PTPRT: variants seen among roughly 807,000 people sequenced by gnomAD.
The protein encoded by PTPRT is protein tyrosine phosphatase receptor type T.
PTPRT carries 56 observed loss-of-function variants against 176.8 expected under a neutral mutation model. That is an observed-to-expected ratio of 0.32 (90% CI 0.26 to 0.40). The LOEUF (loss-of-function observed/expected upper bound fraction) is 0.40, where lower values mean the gene tolerates loss of function less well. PTPRT is among the 10% of genes least tolerant of loss of function. PTPRT has a pLI of 1.00. For missense variants in PTPRT, 1,540 were observed against 1,908.2 expected, an observed-to-expected ratio of 0.81 and a Z score of 3.60; for synonymous variants, 783 against 739.0, an observed-to-expected ratio of 1.06 and a Z score of -0.96.
intron 13 of PTPRT, among the ~76,000 whole-genome samples, chr20:42,249,938 T>C (rs1237874381): frequency 1.3e-5 from 2 of 152,194 alleles, no homozygotes; most frequent in South Asian, 4.1e-4. Flanking sequence ...GGCGCCAGCC[T>C]TTAAGTGGGA....
intron 1 of PTPRT, among the ~76,000 whole-genome samples, chr20:42,963,958 T>C (rs188162760): frequency 3.7e-4 from 57 of 152,300 alleles, no homozygotes; most frequent in African/African-American, 1.0e-3. Flanking sequence ...CATCCAGTTA[T>C]TGCTGCTGCC....
rs933164718 is a variant in PTPRT, at chr20:43,120,291, A to T, written c.88+69355T>A. On this transcript the variant is annotated intron_variant, in intron 1 of 30. Coordinates refer to ENST00000373187, the MANE Select transcript of PTPRT (RefSeq NM_007050.6). ...TTCCAGATCCAGTTTTTTTTTTTTT[A>T]AATGGAGTCTCACTCTGTTGCCCAG... 6.2e-5 allele frequency among the ~76,000 whole-genome samples: 8 copies of T among 129,018 alleles called. 1 individual carries two copies. Among genetic ancestry groups the T allele is most frequent in the Admixed American group, 4.6e-4 (6 of 12,986 alleles). 84.6% of individuals were successfully genotyped at this position (129,018 alleles called of 152,430 possible).
At chr20:42,583,172 T>A (rs186117466) in intron 7 of PTPRT, among the ~76,000 whole-genome samples, 2 of 152,312 alleles carry the variant, frequency 1.3e-5, no homozygotes, top group Admixed American at 1.3e-4. Context: ...AGAGATGATC[T>A]TGCTCCTGAC....
chr20:42,184,564 C>CTTCTTCTTCTTT (rs1990669735), intron 16 of PTPRT, among the ~76,000 whole-genome samples: 2 of 130,298 alleles, frequency 1.5e-5, no homozygotes, highest in African/African-American at 3.0e-5. Flanking sequence ...TCTTCTTATT[C>CTTCTTCTTCTTT]TTCTTCTTCT....
intron 8 of PTPRT, among the ~76,000 whole-genome samples, chr20:42,461,456 G>A (rs1239978177): frequency 6.6e-6 from 1 of 152,180 alleles, no homozygotes; most frequent in Non-Finnish European, 1.5e-5. Flanking sequence ...AGGGCCGTTT[G>A]AGCCCAGGAG....
chr20:43,156,800 A>C (rs1051159609), intron 1 of PTPRT, among the ~76,000 whole-genome samples: 7 of 152,196 alleles, frequency 4.6e-5, no homozygotes, highest in African/African-American at 1.7e-4. Flanking sequence ...GGAGTGTCTG[A>C]GATCATTGAG....
rs564157173 is a variant in PTPRT, at chr20:42,384,555, G to A, written c.1561-32270C>T. On this transcript the variant is annotated intron_variant, in intron 9 of 30. Coordinates refer to ENST00000373187, the MANE Select transcript of PTPRT (RefSeq NM_007050.6). The stretch of plus-strand genomic sequence containing the variant: ...CGATGTCTTGGCTATTGTAAATCAT[G>A]TTGCAATGAATATGGGAATGCAGAT... Among the ~76,000 whole-genome samples the A allele has an allele frequency of 8.5e-5, 13 of 152,276 alleles. No individual in the cohort carries two copies. The South Asian group carries it at 2.7e-3, about 32-fold the overall frequency.
At chr20:42,572,925 T>TG (rs1451342349) in intron 7 of PTPRT, among the ~76,000 whole-genome samples, 1 of 150,420 alleles carries the variant, frequency 6.6e-6, no homozygotes, top group East Asian at 2.0e-4. Flanking sequence ...AGTTTTTGTT[T>TG]TTTTTTTTTT....
At chr20:42,847,379 C>T (rs1183759324) in intron 2 of PTPRT, among the ~76,000 whole-genome samples, 1 of 152,136 alleles carries the variant, frequency 6.6e-6, no homozygotes, top group Non-Finnish European at 1.5e-5. Flanking sequence ...ACTCCCCGCC[C>T]CCCTCTGATT....
chr20:42,549,812 C>CTCAACA (rs2072736639), intron 7 of PTPRT, among the ~76,000 whole-genome samples: 1 of 151,976 alleles, frequency 6.6e-6, no homozygotes, highest in African/African-American at 2.4e-5. Flanking sequence ...ATCAGACACA[C>CTCAACA]CTAGGGCATC....
intron 7 of PTPRT, among the ~76,000 whole-genome samples, chr20:42,488,313 T>G (rs983819364): frequency 1.3e-5 from 2 of 152,182 alleles, no homozygotes; most frequent in African/African-American, 4.8e-5. Context: ...TTTGACAAAG[T>G]ACTGTCAGAT....
intron 9 of PTPRT, among the ~76,000 whole-genome samples, chr20:42,399,580 T>A (rs1555841854): frequency 6.6e-6 from 1 of 152,220 alleles, no homozygotes; most frequent in Non-Finnish European, 1.5e-5. Flanking sequence ...GTTGGACTAA[T>A]AACTCTTTTG....
intron 7 of PTPRT, among the ~76,000 whole-genome samples, chr20:42,620,125 G>T: frequency 6.8e-6 from 1 of 147,216 alleles, no homozygotes; most frequent in African/African-American, 2.6e-5. Context: ...TTTCGGTGTG[G>T]ATGTCCTTTC....
intron 15 of PTPRT, among the ~76,000 whole-genome samples, chr20:42,208,536 A>G (rs1600678348): frequency 6.6e-6 from 1 of 152,086 alleles, no homozygotes; most frequent in Non-Finnish European, 1.5e-5. Context: ...AAAGATCAAA[A>G]GAGACAAAGA....
intron 9 of PTPRT, among the ~76,000 whole-genome samples, chr20:42,360,546 T>G (rs1282043016): frequency 6.6e-6 from 1 of 152,230 alleles, no homozygotes; most frequent in Non-Finnish European, 1.5e-5. Flanking sequence ...GATTTTGTTA[T>G]TTTCACAGAA....
chr20:42,929,238 A>G (rs1166840527), intron 1 of PTPRT, among the ~76,000 whole-genome samples: 1 of 152,268 alleles, frequency 6.6e-6, no homozygotes, highest in Non-Finnish European at 1.5e-5. Flanking sequence ...GAATTCAAAA[A>G]CAGGAGACTA....
At chr20:42,618,050 C>T (rs1357107607) in intron 7 of PTPRT, among the ~76,000 whole-genome samples, 1 of 137,102 alleles carries the variant, frequency 7.3e-6, no homozygotes, top group Non-Finnish European at 1.5e-5. Flanking sequence ...AATTTTGGAT[C>T]TTTCCTGCTT....
intron 2 of PTPRT, among the ~76,000 whole-genome samples, chr20:42,857,973 G>A (rs1463663519): frequency 6.6e-6 from 1 of 152,122 alleles, no homozygotes; most frequent in African/African-American, 2.4e-5. Flanking sequence ...TCATCAGACT[G>A]TGAGATTCAT....
intron 13 of PTPRT, among the ~76,000 whole-genome samples, chr20:42,257,959 T>C (rs1049210978): frequency 5.3e-5 from 8 of 152,066 alleles, no homozygotes; most frequent in African/African-American, 1.9e-4. Context: ...GCAGGAGAGC[T>C]GGGACATAGG....
Sources: allele counts gnomAD v4.1 joint callset (sites outside exome capture counted in the v4.1 genomes callset), GRCh38; gene constraint gnomAD v4.1.1; transcripts MANE v1.5; gene names NCBI Gene and HGNC (gene_info 2026-07-23, HGNC 2026-07-21).